The following CAAP1 variants were observed in gnomAD, a reference collection of about 807,000 sequenced individuals.
CAAP1 encodes the protein conserved anti-apoptotic protein.
In CAAP1, 20 loss-of-function variants were observed where a neutral mutation model predicts 34.0. The ratio of observed to expected loss-of-function variants is 0.59; its 90% CI spans 0.41 to 0.86. The LOEUF is 0.86. Among genes scored for constraint, CAAP1 ranks in the 40% least tolerant of loss-of-function variants. The probability of loss-of-function intolerance (pLI) is 0.00; values close to 1 mark genes in which losing one functional copy is unlikely to be tolerated. For missense variants in CAAP1, 538 were observed against 450.5 expected, an observed-to-expected ratio of 1.19 and a Z score of -1.76; for synonymous variants, 213 against 166.7, an observed-to-expected ratio of 1.28 and a Z score of -2.14.
At position 26,892,162 on chromosome 9, in the gene CAAP1, G is replaced by A. The variant is rs1017529174; in HGVS notation, c.303+251C>T. 3 of 1,035,878 alleles carry A rather than the reference G, an allele frequency of 2.9e-6. No individual in the cohort carries two copies. In the Admixed American group the frequency reaches 9.2e-5, roughly 32 times the overall value. 64.2% of individuals were successfully genotyped at this position (1,035,878 alleles called of 1,614,324 possible). Reference sequence around the variant, plus strand: ...GAGTGAAACCATAGGAGTGGAAGGAGCCAAGAGTTTAAAAAATAAATTAAA... The same window carrying A: ...GAGTGAAACCATAGGAGTGGAAGGAACCAAGAGTTTAAAAAATAAATTAAA... On this transcript the variant is annotated intron_variant, in intron 1 of 5. Transcript: ENST00000333916.
rs564686548 is a variant in CAAP1, at chr9:26,841,165, G to A, written c.*1136C>T. 1.3e-5 allele frequency: 2 copies of A among 152,186 alleles called. No individual in the cohort carries two copies. The highest frequency in any genetic ancestry group is 3.9e-4 in the East Asian group (2 of 5,186). The allele number at this position is 152,186 out of a possible 1,614,324, so 9.4% of individuals were successfully genotyped here. ...CCTGCAACTTTTATATATAAGGAAA[G>A]TCCTCATACAGTATCAGTAGACCAT... On this transcript the variant is annotated 3_prime_UTR_variant, in exon 6 of 6. Coordinates refer to ENST00000333916, the MANE Select transcript of CAAP1 (RefSeq NM_024828.4).
chr9:26,844,576 T>C (rs1482192551), intron 5 of CAAP1, among the ~76,000 whole-genome samples: 2 of 152,156 alleles, frequency 1.3e-5, no homozygotes, highest in African/African-American at 4.8e-5. Context: ...CTGAATAATA[T>C]AATGAGGGGG....
At chr9:26,870,607 T>C (rs953844360) in intron 4 of CAAP1, among the ~76,000 whole-genome samples, 2 of 148,504 alleles carry the variant, frequency 1.3e-5, no homozygotes, top group African/African-American at 2.5e-5. Flanking sequence ...TGTGTGTGTG[T>C]GTGTATACAT....
Position 26,843,285 on chromosome 9 carries a change from T to C in CAAP1, c.740-638A>G, listed in dbSNP as rs183947826. On this transcript the variant is annotated intron_variant, in intron 5 of 5. Coordinates refer to ENST00000333916, the MANE Select transcript of CAAP1 (RefSeq NM_024828.4). ...TCACCATAATTTTAAAAAATGCATT[T>C]GTTATAAAACTTCTATAACTGATGC... Among the ~76,000 whole-genome samples the C allele has an allele frequency of 2.7e-3, 406 of 152,344 alleles. 2 individuals carry two copies. Among genetic ancestry groups the C allele is most frequent in the African/African-American group, 9.4e-3 (391 of 41,582 alleles).
chr9:26,843,136 C>T (rs939642154), intron 5 of CAAP1, among the ~76,000 whole-genome samples: 1 of 152,140 alleles, frequency 6.6e-6, no homozygotes, highest in Admixed American at 6.5e-5. Flanking sequence ...GCAATTATCC[C>T]AATCTTTTCA....
In CAAP1 at chr9:26,877,292, G is replaced by GA. The variant is rs200127869; in HGVS notation, c.665+7517dup. 4.5e-3 allele frequency among the ~76,000 whole-genome samples: 678 copies of GA among 150,828 alleles called. 2 individuals carry two copies. The highest frequency in any genetic ancestry group is 0.015 in the African/African-American group (636 of 41,096). On this transcript the variant is annotated intron_variant, in intron 4 of 5. Coordinates refer to ENST00000333916, the MANE Select transcript of CAAP1 (RefSeq NM_024828.4). ...TGTATATGCAAATATTCCAAAATCT[G>GA]AAAAAAAAATCTGAAATCCAAAACA...
chr9:26,872,017 C>G (rs1823289339), intron 4 of CAAP1, among the ~76,000 whole-genome samples: 1 of 152,138 alleles, frequency 6.6e-6, no homozygotes, highest in South Asian at 2.1e-4. Context: ...CTATGTAACT[C>G]TATACACTCA....
At chr9:26,862,483 T>C (rs1244284374) in intron 4 of CAAP1, among the ~76,000 whole-genome samples, 1 of 151,980 alleles carries the variant, frequency 6.6e-6, no homozygotes, top group Admixed American at 6.6e-5. Context: ...TATGTAATAC[T>C]CTAAGGAAGA....
intron 4 of CAAP1, among the ~76,000 whole-genome samples, chr9:26,881,704 A>G (rs1189439781): frequency 1.6e-4 from 25 of 152,180 alleles, no homozygotes; most frequent in Admixed American, 1.6e-3. Context: ...GTACCAGTAG[A>G]GTGGGGCACT....
Position 26,892,401 on chromosome 9 carries a change from G to A in CAAP1, c.303+12C>T. On this transcript the variant is annotated intron_variant, in intron 1 of 5. Coordinates refer to ENST00000333916, the MANE Select transcript of CAAP1 (RefSeq NM_024828.4). ...GCAGCTCCAGGAAGCGGCCAGAGGG[G>A]CGCGCACGCACCTGCTGCAAGGAGC... is the stretch of plus-strand genomic sequence containing the variant. 6.2e-7 allele frequency: 1 copy of A among 1,604,432 alleles called. No individual in the cohort carries two copies. The highest frequency in any genetic ancestry group is 8.5e-7 in the Non-Finnish European group (1 of 1,178,660).
chr9:26,892,410 C>A lies in CAAP1; in HGVS notation c.303+3G>T, dbSNP rs1823927736. On this transcript the variant is annotated splice_donor_region_variant and intron_variant, in intron 1 of 5. Transcript: ENST00000333916. ...GGAAGCGGCCAGAGGGGCGCGCACG[C>A]ACCTGCTGCAAGGAGCCCGAGACGC... 6 of 1,604,742 alleles carry A rather than the reference C, an allele frequency of 3.7e-6. No homozygotes were observed. The Admixed American group carries it at 1.0e-4, about 27-fold the overall frequency.
intron 1 of CAAP1, among the ~76,000 whole-genome samples, chr9:26,888,781 AC>A (rs1823820840): frequency 6.6e-6 from 1 of 152,250 alleles, no homozygotes; most frequent in African/African-American, 2.4e-5. Flanking sequence ...ATATGTCTAC[AC>A]AAAAACTTGT....
intron 5 of CAAP1, among the ~76,000 whole-genome samples, chr9:26,858,179 T>G (rs1822917171): frequency 6.6e-6 from 1 of 152,232 alleles, no homozygotes; most frequent in African/African-American, 2.4e-5. Flanking sequence ...ATTCTGCTTT[T>G]ATTGAGCTCA....
At chr9:26,888,248 C>T (rs568787574) in intron 1 of CAAP1, among the ~76,000 whole-genome samples, 1 of 152,324 alleles carries the variant, frequency 6.6e-6, no homozygotes, top group African/African-American at 2.4e-5. Flanking sequence ...AATGAATTCC[C>T]ATTGCTCCTA....
intron 4 of CAAP1, among the ~76,000 whole-genome samples, chr9:26,884,562 T>G (rs374414284): frequency 6.6e-6 from 1 of 152,152 alleles, no homozygotes; most frequent in African/African-American, 2.4e-5. Flanking sequence ...CTGCTTCAGG[T>G]TGGCACTGCT....
Position 26,842,114 on chromosome 9 carries a change from C to T in CAAP1, c.*187G>A, listed in dbSNP as rs1822494524. ...GCCATGAATTCATAAGACAGTAACA[C>T]ACATTTATAATATAAAAGTAGTCAA... On this transcript the variant is annotated 3_prime_UTR_variant, in exon 6 of 6. Transcript: ENST00000333916. 3.9e-6 allele frequency: 2 copies of T among 516,712 alleles called. No homozygotes were observed. The highest frequency in any genetic ancestry group is 6.7e-6 in the Non-Finnish European group (2 of 296,890). 32.0% of individuals were successfully genotyped at this position (516,712 alleles called of 1,614,324 possible).
chr9:26,854,194 C>G (rs538475194), intron 5 of CAAP1, among the ~76,000 whole-genome samples: 49 of 152,296 alleles, frequency 3.2e-4, no homozygotes, highest in African/African-American at 1.2e-3. Flanking sequence ...TTAATATCTA[C>G]TAAGCACTGC....
chr9:26,882,124 G>A (rs957913197), intron 4 of CAAP1, among the ~76,000 whole-genome samples: 12 of 152,310 alleles, frequency 7.9e-5, no homozygotes, highest in African/African-American at 1.4e-4. Context: ...GAAACAGAGC[G>A]TAAAAGTTCA....
At chr9:26,860,941 C>A in intron 5 of CAAP1, 125 bp downstream of exon 5, 1 of 686,616 alleles carries the variant, frequency 1.5e-6, no homozygotes, top group Non-Finnish European at 2.6e-6. Context: ...GATTTTTGAC[C>A]AAATAAATTG....
Sources: allele counts gnomAD v4.1 joint callset (sites outside exome capture counted in the v4.1 genomes callset), GRCh38; gene constraint gnomAD v4.1.1; transcripts MANE v1.5; gene names NCBI Gene and HGNC (gene_info 2026-07-23, HGNC 2026-07-21).